The following CNTNAP3B variants were observed in gnomAD, a reference collection of about 807,000 sequenced individuals.
CNTNAP3B encodes the protein contactin-associated protein-like 3B.
Under a neutral mutation model 108.9 loss-of-function variants are expected in CNTNAP3B, and 25 were observed. The ratio of observed to expected loss-of-function variants is 0.23; its 90% CI spans 0.17 to 0.32. The LOEUF is 0.32. Among genes scored for constraint, CNTNAP3B ranks in the 10% least tolerant of loss-of-function variants. The probability of loss-of-function intolerance (pLI) is 1.00; values close to 1 mark genes in which losing one functional copy is unlikely to be tolerated. For missense variants in CNTNAP3B, 252 were observed against 1,210.4 expected (o/e 0.21, Z 11.75); for synonymous variants, 103 against 473.4 (o/e 0.22, Z 10.16).
At chr9:42,096,315 C>T (rs1393057907) in intron 2 of CNTNAP3B, among the ~76,000 whole-genome samples, 2 of 140,002 alleles carry the variant, frequency 1.4e-5, no homozygotes, top group Non-Finnish European at 3.1e-5. Flanking sequence ...TCTATGCATA[C>T]TATCGTGCAG....
chr9:41,931,358 T>C (rs1823972894), intron 14 of CNTNAP3B, among the ~76,000 whole-genome samples: 1 of 152,182 alleles, frequency 6.6e-6, no homozygotes, highest in African/African-American at 2.4e-5. Context: ...TTTTGAAATA[T>C]CCAATAAATT....
intron 11 of CNTNAP3B, among the ~76,000 whole-genome samples, 162 bp downstream of exon 11, chr9:41,964,376 G>C (rs1269116803): frequency 1.3e-5 from 2 of 152,350 alleles, no homozygotes; most frequent in South Asian, 2.1e-4. Context: ...CAACACCCTT[G>C]TATTAAATAA....
Position 42,117,621 on chromosome 9 carries a change from GAAGCAAGAGCAAAC to G in CNTNAP3B, c.85+11375_85+11388del, listed in dbSNP as rs1468368670. ...TAACATCACAATTAAAAGAACCAGA[GAAGCAAGAGCAAAC>G]ACATTCAAAAGCTAGCAGAAGGCAA... On this transcript the variant is annotated intron_variant, in intron 1 of 23. Transcript: ENST00000377561. Among the ~76,000 whole-genome samples, 2 of 137,024 alleles carry G rather than the reference GAAGCAAGAGCAAAC, an allele frequency of 1.5e-5. 1 individual carries two copies. The highest frequency in any genetic ancestry group is 3.1e-5 in the Non-Finnish European group (2 of 64,328). 89.9% of individuals were successfully genotyped at this position (137,024 alleles called of 152,430 possible).
intron 2 of CNTNAP3B, among the ~76,000 whole-genome samples, chr9:42,096,909 T>C (rs1485930763): frequency 1.6e-5 from 2 of 127,436 alleles, no homozygotes; most frequent in Non-Finnish European, 3.3e-5. Context: ...TCCGTAACAG[T>C]GGCATGAAAC....
rs1479761347 is a variant in CNTNAP3B at position 42,095,360 on chromosome 9, C to T, written c.196+9269G>A. 1.9e-4 allele frequency among the ~76,000 whole-genome samples: 26 copies of T among 139,168 alleles called. 6 individuals carry two copies. The highest frequency in any genetic ancestry group is 4.6e-4 in the South Asian group (2 of 4,334). The allele number at this position is 139,168 out of a possible 152,430, so 91.3% of individuals were successfully genotyped here. A position where few individuals can be genotyped will look rare whatever the true frequency, so the allele number is the denominator to read the frequency against. Reference sequence around the variant, plus strand: ...ACAAGTGTCAGAGTTCCCTGCATCACGGGTTTTAACCCACACCTTTGATGT... The same window carrying T: ...ACAAGTGTCAGAGTTCCCTGCATCATGGGTTTTAACCCACACCTTTGATGT... On this transcript the variant is annotated intron_variant, in intron 2 of 23. Coordinates refer to ENST00000377561, the MANE Select transcript of CNTNAP3B (RefSeq NM_001201380.3).
At chr9:41,937,092 C>G (rs1481202936) in intron 14 of CNTNAP3B, among the ~76,000 whole-genome samples, 1 of 117,592 alleles carries the variant, frequency 8.5e-6, no homozygotes, top group Non-Finnish European at 1.8e-5. Flanking sequence ...CTGGAATGAC[C>G]ATTACATTTT....
chr9:41,947,928 A>G (rs1169994020), intron 13 of CNTNAP3B, among the ~76,000 whole-genome samples: 17 of 152,100 alleles, frequency 1.1e-4, no homozygotes, highest in African/African-American at 2.9e-4. Context: ...AGATTAATGG[A>G]CAAATTTCTC....
At chr9:42,103,164 A>C (rs1371607829) in intron 2 of CNTNAP3B, among the ~76,000 whole-genome samples, 46 of 132,572 alleles carry the variant, frequency 3.5e-4, no homozygotes, top group Non-Finnish European at 6.3e-4. Context: ...AGGCTTAGTC[A>C]CTGTTTCAGT....
chr9:41,962,646 A>T (rs539279727), intron 11 of CNTNAP3B, among the ~76,000 whole-genome samples: 174 of 142,154 alleles, frequency 1.2e-3, no homozygotes, highest in Admixed American at 1.9e-3. Flanking sequence ...GTGAGAGGCC[A>T]CTCAACTCCT....
intron 10 of CNTNAP3B, among the ~76,000 whole-genome samples, chr9:41,967,969 A>T (rs1825330990): frequency 6.6e-6 from 1 of 152,248 alleles, no homozygotes; most frequent in Non-Finnish European, 1.5e-5. Context: ...TACAATTTGG[A>T]GGCCTTTTTA....
intron 15 of CNTNAP3B, among the ~76,000 whole-genome samples, chr9:41,928,237 T>C (rs1443186014): frequency 6.6e-6 from 1 of 152,252 alleles, no homozygotes; most frequent in Non-Finnish European, 1.5e-5. Context: ...AAGAACTTTA[T>C]TGCTCACAGC....
At chr9:41,979,985 G>GTTTAGAAC (rs1825597522) in intron 9 of CNTNAP3B, 2 of 72,070 alleles carry the variant, frequency 2.8e-5, no homozygotes, top group Non-Finnish European at 4.7e-5. Flanking sequence ...TTGTCCAAGG[G>GTTTAGAAC]TTTAGAACTG....
Position 42,080,515 on chromosome 9 carries a change from A to C in CNTNAP3B, c.197-3453T>G, listed in dbSNP as rs1386008663. Among the ~76,000 whole-genome samples the C allele has an allele frequency of 5.2e-4, 72 of 137,606 alleles. 12 individuals are homozygous for C. The highest frequency in any genetic ancestry group is 2.2e-3 in the Admixed American group (31 of 13,810). 90.3% of individuals were successfully genotyped at this position (137,606 alleles called of 152,430 possible). ...ACCTGTGCACTGCTGGATAGCACTA[A>C]TCTGTGTGCCTTTGTTAAAGGCAGC... On this transcript the variant is annotated intron_variant, in intron 2 of 23. Transcript: ENST00000377561.
intron 15 of CNTNAP3B, among the ~76,000 whole-genome samples, chr9:41,925,039 C>T (rs1310683676): frequency 1.3e-5 from 2 of 151,970 alleles, no homozygotes; most frequent in Non-Finnish European, 2.9e-5. Context: ...ATCACTGGTC[C>T]TGTTAGTTTC....
chr9:42,058,320 C>A (rs1448569440), intron 3 of CNTNAP3B, among the ~76,000 whole-genome samples: 3 of 152,170 alleles, frequency 2.0e-5, no homozygotes, highest in African/African-American at 7.3e-5. Flanking sequence ...TACAAATTTA[C>A]ATTGCCACCA....
chr9:42,019,822 G>A (rs906832127), intron 3 of CNTNAP3B, among the ~76,000 whole-genome samples: 115 of 124,740 alleles, frequency 9.2e-4, no homozygotes, highest in African/African-American at 3.6e-3. Context: ...AAAGAGCATG[G>A]CCTGAAATAG....
At chr9:42,119,419 G>A (rs1210051866) in intron 1 of CNTNAP3B, among the ~76,000 whole-genome samples, 1 of 132,470 alleles carries the variant, frequency 7.5e-6, no homozygotes, top group Non-Finnish European at 1.6e-5. Flanking sequence ...GTAATTTATA[G>A]ATTCAATGCC....
rs1253122839 is a variant in CNTNAP3B, at chr9:42,101,794, C to G, written c.196+2835G>C. 1.6e-5 allele frequency among the ~76,000 whole-genome samples: 2 copies of G among 126,742 alleles called. 1 individual carries two copies. The highest frequency in any genetic ancestry group is 3.3e-5 in the Non-Finnish European group (2 of 60,854). The allele number at this position is 126,742 out of a possible 152,430, so 83.1% of individuals were successfully genotyped here. A position where few individuals can be genotyped will look rare whatever the true frequency, so the allele number is the denominator to read the frequency against. On this transcript the variant is annotated intron_variant, in intron 2 of 23. Coordinates refer to ENST00000377561, the MANE Select transcript of CNTNAP3B (RefSeq NM_001201380.3). ...CCTCTTAAATTTACAACAGGTCGGC[C>G]AGGTGTGGTGGCTCACACCTTTGGG...
At chr9:42,116,667 AT>A (rs1422267002) in intron 1 of CNTNAP3B, among the ~76,000 whole-genome samples, 1 of 139,894 alleles carries the variant, frequency 7.1e-6, no homozygotes, top group Non-Finnish European at 1.5e-5. Context: ...AAATTCACAC[AT>A]AACAATATTA....
Sources: gnomAD v4.1 joint callset for allele counts (sites outside exome capture counted in the v4.1 genomes callset) on GRCh38, gnomAD v4.1.1 for gene constraint, MANE v1.5 for transcripts, NCBI Gene and HGNC (gene_info 2026-07-23, HGNC 2026-07-21) for gene names.